The following KCNQ1 variants were observed in gnomAD, a reference collection of about 807,000 sequenced individuals.
KCNQ1 encodes potassium voltage-gated channel subfamily KQT member 1.
KCNQ1 carries 49 observed loss-of-function variants against 72.4 expected under a neutral mutation model. The ratio of observed to expected loss-of-function variants is 0.68; its 90% confidence interval spans 0.54 to 0.86. The LOEUF (loss-of-function observed/expected upper bound fraction) is 0.86. KCNQ1 is among the 40% of genes least tolerant of loss of function. The probability of loss-of-function intolerance (pLI) is 0.00; values close to 1 mark genes in which losing one functional copy is unlikely to be tolerated. For missense variants in KCNQ1, 790 were observed against 945.1 expected (o/e 0.84, Z 2.15); for synonymous variants, 450 against 412.6 (o/e 1.09, Z -1.10).
At chr11:2,619,036 T>A (rs1292598787) in intron 10 of KCNQ1, 1 of 398,360 alleles carries the variant, frequency 2.5e-6, no homozygotes, top group East Asian at 3.6e-5. Flanking sequence ...ATCCTACAAC[T>A]TTACTGAACT....
intron 15 of KCNQ1, among the ~76,000 whole-genome samples, chr11:2,807,630 AGCCGGCGGTGGGCACAG>A (rs1847406699): frequency 6.6e-6 from 1 of 152,134 alleles, no homozygotes; most frequent in Non-Finnish European, 1.5e-5. Flanking sequence ...GCGCCAGGAC[AGCCGGCGGTGGGCACAG>A]GCGGGCGAGG....
Position 2,573,393 on chromosome 11 carries a change from T to G in KCNQ1, c.921+407T>G, listed in dbSNP as rs537782760. Among the ~76,000 whole-genome samples the G allele has an allele frequency of 7.2e-5, 11 of 152,152 alleles. No individual in the cohort carries two copies. In the East Asian group the frequency reaches 2.1e-3, roughly 29 times the overall value. On this transcript the variant is annotated intron_variant, in intron 6 of 15. Transcript: ENST00000155840. The stretch of plus-strand genomic sequence containing the variant: ...AGGAGAGCGGCGTCAGATGCATACC[T>G]CGCGTGTCTCTGAGGGTCCACACAG...
chr11:2,824,661 C>T lies in KCNQ1; in HGVS notation c.1795-23106C>T, dbSNP rs1417459476. 6.6e-6 allele frequency among the ~76,000 whole-genome samples: 1 copy of T among 152,030 alleles called. No individual in the cohort carries two copies. Among genetic ancestry groups the T allele is most frequent in the Admixed American group, 6.6e-5 (1 of 15,262 alleles). On this transcript the variant is annotated intron_variant, in intron 15 of 15. Transcript: ENST00000155840. This position sits in a 1 kb window ranked among gnomAD's most constrained non-coding sequence, Gnocchi z 5.9. ...AGGAGAGAGTGAGAATGGGGCCACTCAAGGGGTGAACAGGGCCTTGCAGTA... is the reference window on the plus strand; with the variant it reads ...AGGAGAGAGTGAGAATGGGGCCACTTAAGGGGTGAACAGGGCCTTGCAGTA...
intron 15 of KCNQ1, among the ~76,000 whole-genome samples, chr11:2,799,815 A>T (rs1421664095): frequency 6.6e-6 from 1 of 152,156 alleles, no homozygotes; most frequent in African/African-American, 2.4e-5. Context: ...TACAGAGTGG[A>T]AATGAGTCGG....
At chr11:2,831,626 C>G (rs931525776) in intron 15 of KCNQ1, among the ~76,000 whole-genome samples, 17 of 151,522 alleles carry the variant, frequency 1.1e-4, no homozygotes, top group African/African-American at 3.9e-4. Context: ...CTCTCTCCCC[C>G]GCTTCCTTCC....
At chr11:2,756,593 G>T (rs78682465) in intron 11 of KCNQ1, among the ~76,000 whole-genome samples, 2,538 of 152,120 alleles carry the variant, frequency 0.017, 118 homozygotes, top group East Asian at 0.13. Context: ...GGAGCTGTCA[G>T]GGTCCAGCAT....
chr11:2,615,951 G>C, intron 10 of KCNQ1: 1 of 398,120 alleles, frequency 2.5e-6, no homozygotes, highest in Non-Finnish European at 4.4e-6. Flanking sequence ...AATTCTTCAA[G>C]TGTTTGGTAT....
chr11:2,754,323 C>T (rs1846267795), intron 11 of KCNQ1, among the ~76,000 whole-genome samples: 2 of 152,360 alleles, frequency 1.3e-5, no homozygotes, highest in South Asian at 4.1e-4. Flanking sequence ...GCTTTCTCAC[C>T]ACCCCAGCCT....
At chr11:2,751,333 C>T (rs231892) in intron 11 of KCNQ1, among the ~76,000 whole-genome samples, 61,555 of 152,110 alleles carry the variant, frequency 0.4, 13,289 homozygotes, top group African/African-American at 0.56. Flanking sequence ...GAAAGCCCCA[C>T]GCTCTCAGCA....
At position 2,617,588 on chromosome 11, in the gene KCNQ1, A is replaced by T. The variant is rs1849088024; in HGVS notation, c.1393+28734A>T. On this transcript the variant is annotated intron_variant, in intron 10 of 15. Transcript: ENST00000155840. This position sits in a 1 kb window ranked among gnomAD's most constrained non-coding sequence, Gnocchi z 4.6. Reference sequence around the variant, plus strand: ...CTTTGGGAATATACCTAGAAGAGGGATTAGTGGGTCAGATGATAGTATATT... The same window carrying T: ...CTTTGGGAATATACCTAGAAGAGGGTTTAGTGGGTCAGATGATAGTATATT... 2.5e-6 allele frequency: 1 copy of T among 398,372 alleles called. No homozygotes were observed. Among genetic ancestry groups the T allele is most frequent in the Non-Finnish European group, 4.4e-6 (1 of 225,938 alleles). The allele number at this position is 398,372 out of a possible 1,614,324, so 24.7% of individuals were successfully genotyped here.
At chr11:2,833,516 A>G (rs1847996798) in intron 15 of KCNQ1, among the ~76,000 whole-genome samples, 1 of 152,230 alleles carries the variant, frequency 6.6e-6, no homozygotes. Context: ...CCTGGGAGCC[A>G]GCCTCAAGGG....
At chr11:2,632,751 C>T (rs1418112828) in intron 10 of KCNQ1, 1 of 398,292 alleles carries the variant, frequency 2.5e-6, no homozygotes, top group East Asian at 3.6e-5. Context: ...AATGACAGGA[C>T]TTAATGCTTT....
chr11:2,668,133 A>G lies in KCNQ1; in HGVS notation c.1514+6052A>G. On this transcript the variant is annotated intron_variant, in intron 11 of 15. Transcript: ENST00000155840. This position sits in a 1 kb window ranked among gnomAD's most constrained non-coding sequence, Gnocchi z 4.3. ...CAATTTGATGTCTGGCAGCCTCTCTATGGGGCTGAAGGGAGAGTGCTCCCT... is the reference window on the plus strand; with the variant it reads ...CAATTTGATGTCTGGCAGCCTCTCTGTGGGGCTGAAGGGAGAGTGCTCCCT... 3 of 398,544 alleles carry G rather than the reference A, an allele frequency of 7.5e-6. No individual in the cohort carries two copies. The highest frequency in any genetic ancestry group is 1.3e-5 in the Non-Finnish European group (3 of 226,064). 24.7% of individuals were successfully genotyped at this position (398,544 alleles called of 1,614,324 possible).
intron 13 of KCNQ1, 101 bp downstream of exon 13, chr11:2,776,155 C>T: frequency 9.5e-7 from 1 of 1,048,170 alleles, no homozygotes; most frequent in South Asian, 1.5e-5. Flanking sequence ...GGCTGAGACC[C>T]TGAGTTCTTG....
In KCNQ1 at chr11:2,679,957, A is replaced by G. The variant is rs193066736; in HGVS notation, c.1514+17876A>G. The stretch of plus-strand genomic sequence containing the variant: ...CACCTAGGCGGGAATGCAGTGGCAC[A>G]GTCTCGGCTTACTGCAACCTCTACC... On this transcript the variant is annotated intron_variant, in intron 11 of 15. Coordinates refer to ENST00000155840, the MANE Select transcript of KCNQ1 (RefSeq NM_000218.3). This position sits in a 1 kb window ranked among gnomAD's most constrained non-coding sequence, Gnocchi z 4.8. 9 of 397,166 alleles carry G rather than the reference A, an allele frequency of 2.3e-5. No individual in the cohort carries two copies. The highest frequency in any genetic ancestry group is 3.5e-5 in the Non-Finnish European group (8 of 225,890). The allele number at this position is 397,166 out of a possible 1,614,324, so 24.6% of individuals were successfully genotyped here.
intron 11 of KCNQ1, among the ~76,000 whole-genome samples, chr11:2,728,829 G>A (rs561238134): frequency 2.3e-4 from 35 of 152,332 alleles, no homozygotes; most frequent in South Asian, 6.2e-4. Flanking sequence ...AGGGCCGGCC[G>A]CAGTGGATGC....
intron 11 of KCNQ1, among the ~76,000 whole-genome samples, chr11:2,757,560 A>G (rs932289619): frequency 1.3e-5 from 2 of 152,254 alleles, no homozygotes; most frequent in African/African-American, 2.4e-5. Flanking sequence ...TCTTATGGAC[A>G]TGGACAAACT....
Position 2,598,427 on chromosome 11 carries a change from G to C in KCNQ1, c.1393+9573G>C, listed in dbSNP as rs951822104. Among the ~76,000 whole-genome samples the C allele has an allele frequency of 6.6e-6, 1 of 151,950 alleles. No homozygotes were observed. The highest frequency in any genetic ancestry group is 1.5e-5 in the Non-Finnish European group (1 of 68,002). On this transcript the variant is annotated intron_variant, in intron 10 of 15. Coordinates refer to ENST00000155840, the MANE Select transcript of KCNQ1 (RefSeq NM_000218.3). This position sits in a 1 kb window ranked among gnomAD's most constrained non-coding sequence, Gnocchi z 6.2. ...TTTTTTTAAAATGAAGATTTTCTTT[G>C]TCTCCAAGTATGAAAATAACATCAT...
In KCNQ1 at chr11:2,768,789, G is replaced by A. The variant is rs2075870; in HGVS notation, c.1515-55G>A. On this transcript the variant is annotated intron_variant, in intron 11 of 15. Coordinates refer to ENST00000155840, the MANE Select transcript of KCNQ1 (RefSeq NM_000218.3). This position sits in a 1 kb window ranked among gnomAD's most constrained non-coding sequence, Gnocchi z 6.7. ...CCTCAGGCAGTGCAGGGGCAGTGAG[G>A]GGATGACCAGCACAGGGTGGCCACT... The A allele has an allele frequency of 0.039, 52,895 of 1,373,006 alleles. 2,262 individuals carry two copies. The highest frequency in any genetic ancestry group is 0.21 in the East Asian group (9,142 of 43,750). The allele number at this position is 1,373,006 out of a possible 1,614,324, so 85.1% of individuals were successfully genotyped here.
Sources: allele counts gnomAD v4.1 joint callset (sites outside exome capture counted in the v4.1 genomes callset), GRCh38; gene constraint gnomAD v4.1.1; non-coding constraint Gnocchi (gnomAD v3.1); transcripts MANE v1.5; gene names NCBI Gene and HGNC (gene_info 2026-07-23, HGNC 2026-07-21).